Variants in NT5DC1 observed in about 807,000 individuals in gnomAD.
NT5DC1 encodes the protein 5'-nucleotidase domain-containing protein 1.
Under a neutral mutation model 59.4 loss-of-function variants are expected in NT5DC1, and 42 were observed. The ratio of observed to expected loss-of-function variants is 0.71; its 90% confidence interval spans 0.55 to 0.92. The LOEUF is 0.92. Among genes scored for constraint, NT5DC1 ranks in the 40% least tolerant of loss-of-function variants. The pLI is 0.00. For missense variants in NT5DC1, 501 were observed against 537.1 expected, an observed-to-expected ratio of 0.93 and a Z score of 0.66; for synonymous variants, 172 against 188.1, an observed-to-expected ratio of 0.91 and a Z score of 0.70.
At chr6:116,156,266 C>G (rs1434495005) in intron 6 of NT5DC1, among the ~76,000 whole-genome samples, 3 of 152,100 alleles carry the variant, frequency 2.0e-5, no homozygotes, top group Non-Finnish European at 4.4e-5. Context: ...ACCCATTTCT[C>G]TAATTTTCCG....
Position 116,159,350 on chromosome 6 carries a change from G to GT in NT5DC1, c.529+41411dup, listed in dbSNP as rs534153615. ...AAGACACTTTCAAGTCATTATTTCT[G>GT]TTTTTTAATTCACATGCTTTATCCT... On this transcript the variant is annotated intron_variant, in intron 6 of 11. Transcript: ENST00000319550. 6.0e-4 allele frequency among the ~76,000 whole-genome samples: 91 copies of GT among 152,206 alleles called. 2 individuals are homozygous for GT. The East Asian group carries it at 8.3e-3, about 14-fold the overall frequency.
At position 116,239,904 on chromosome 6, in the gene NT5DC1, T is replaced by G. The variant is rs531442585; in HGVS notation, c.1252+781T>G. ...ATACAGAAAAGGAAGGAATGAGAAA[T>G]TTGGTAGAGACAAAAACTATTGTAT... On this transcript the variant is annotated intron_variant, in intron 11 of 11. Coordinates refer to ENST00000319550, the MANE Select transcript of NT5DC1 (RefSeq NM_152729.3). Among the ~76,000 whole-genome samples, 185 of 152,190 alleles carry G rather than the reference T, an allele frequency of 1.2e-3. 1 individual carries two copies. The highest frequency in any genetic ancestry group is 4.0e-3 in the African/African-American group (167 of 41,530).
chr6:116,165,148 A>C (rs1156479855), intron 6 of NT5DC1, among the ~76,000 whole-genome samples: 1 of 150,872 alleles, frequency 6.6e-6, no homozygotes, highest in African/African-American at 2.4e-5. Context: ...TTCTTTAAGA[A>C]GTCTAAAACT....
intron 6 of NT5DC1, among the ~76,000 whole-genome samples, chr6:116,152,939 C>G (rs1780085522): frequency 6.6e-6 from 1 of 152,020 alleles, no homozygotes; most frequent in African/African-American, 2.4e-5. Context: ...TAATCCTCCT[C>G]CATACTGCTG....
intron 5 of NT5DC1, among the ~76,000 whole-genome samples, 183 bp downstream of exon 5, chr6:116,115,953 AC>A (rs1778955326): frequency 6.6e-6 from 1 of 150,472 alleles, no homozygotes; most frequent in Admixed American, 6.6e-5. Context: ...AATAGCAGTG[AC>A]CTTTTTTTTT....
intron 6 of NT5DC1, among the ~76,000 whole-genome samples, chr6:116,187,726 A>G (rs1017682578): frequency 6.6e-6 from 1 of 152,084 alleles, no homozygotes; most frequent in African/African-American, 2.4e-5. Context: ...GGATTATAGA[A>G]ACAAATATGA....
At chr6:116,190,400 TAGAAAC>T (rs1306320516) in intron 6 of NT5DC1, among the ~76,000 whole-genome samples, 3 of 151,980 alleles carry the variant, frequency 2.0e-5, no homozygotes, top group African/African-American at 7.2e-5. Context: ...TTAGTAGACT[TAGAAAC>T]AGAGGGGAAA....
intron 6 of NT5DC1, among the ~76,000 whole-genome samples, chr6:116,135,962 C>G (rs969203908): frequency 6.6e-5 from 10 of 150,772 alleles, no homozygotes; most frequent in African/African-American, 2.4e-4. Flanking sequence ...AATACCTACT[C>G]TTTTAGCGTA....
chr6:116,157,248 T>A (rs1349631005), intron 6 of NT5DC1, among the ~76,000 whole-genome samples: 1 of 152,204 alleles, frequency 6.6e-6, no homozygotes, highest in Non-Finnish European at 1.5e-5. Flanking sequence ...CCATATCTCT[T>A]GAGTTAATTA....
At chr6:116,120,670 A>T (rs777170359) in intron 6 of NT5DC1, 1 of 1,546,230 alleles carries the variant, frequency 6.5e-7, no homozygotes, top group East Asian at 2.2e-5. Context: ...TGAGGCCCTT[A>T]GTTGCTATGC....
At chr6:116,233,758 T>C (rs966068230) in intron 8 of NT5DC1, among the ~76,000 whole-genome samples, 3 of 152,214 alleles carry the variant, frequency 2.0e-5, no homozygotes, top group Non-Finnish European at 2.9e-5. Context: ...GAAGGGATTA[T>C]AGCTAAGACT....
intron 6 of NT5DC1, among the ~76,000 whole-genome samples, chr6:116,175,669 T>C (rs551262654): frequency 8.5e-5 from 13 of 152,298 alleles, no homozygotes; most frequent in Non-Finnish European, 1.8e-4. Context: ...ACTGTTCAAG[T>C]TCAGTGATAT....
intron 6 of NT5DC1, among the ~76,000 whole-genome samples, chr6:116,193,387 G>A (rs1359145405): frequency 6.6e-6 from 1 of 152,180 alleles, no homozygotes; most frequent in African/African-American, 2.4e-5. Context: ...AGCTGTGGTG[G>A]AAGCAAAGAA....
chr6:116,129,880 C>A (rs1190319236), intron 6 of NT5DC1, among the ~76,000 whole-genome samples: 1 of 152,062 alleles, frequency 6.6e-6, no homozygotes, highest in Non-Finnish European at 1.5e-5. Context: ...GTAGTTAAAT[C>A]TAGAGTTTTC....
chr6:116,165,559 G>C (rs1780444747), intron 6 of NT5DC1, among the ~76,000 whole-genome samples: 1 of 152,110 alleles, frequency 6.6e-6, no homozygotes. Flanking sequence ...ATTTTTGTCT[G>C]ACTGGGTTAA....
intron 6 of NT5DC1, among the ~76,000 whole-genome samples, chr6:116,187,934 A>G (rs534276449): frequency 1.3e-5 from 2 of 152,200 alleles, no homozygotes; most frequent in South Asian, 4.1e-4. Flanking sequence ...AGAAGAGAAG[A>G]TATTTGGAAT....
intron 1 of NT5DC1, among the ~76,000 whole-genome samples, chr6:116,102,654 G>A (rs1778683548): frequency 6.6e-6 from 1 of 152,230 alleles, no homozygotes; most frequent in Admixed American, 6.5e-5. Context: ...TGCAAACCTG[G>A]AGAATAAGTG....
chr6:116,142,966 G>T (rs1234604718), intron 6 of NT5DC1, among the ~76,000 whole-genome samples: 1 of 152,136 alleles, frequency 6.6e-6, no homozygotes, highest in East Asian at 1.9e-4. Context: ...GTTTCATGGT[G>T]GGAAAATTTG....
intron 6 of NT5DC1, chr6:116,120,035 T>C: frequency 6.4e-7 from 1 of 1,560,620 alleles, no homozygotes; most frequent in Non-Finnish European, 8.8e-7. Flanking sequence ...TAGAGAATGC[T>C]TTTTCTAGCA....
Sources: gnomAD v4.1 joint callset for allele counts (sites outside exome capture counted in the v4.1 genomes callset) on GRCh38, gnomAD v4.1.1 for gene constraint, MANE v1.5 for transcripts, NCBI Gene and HGNC (gene_info 2026-07-23, HGNC 2026-07-21) for gene names.